BBS9: variants seen among roughly 807,000 people sequenced by gnomAD.
The protein encoded by BBS9 is protein PTHB1.
BBS9 carries 89 observed loss-of-function variants against 117.7 expected under a neutral mutation model. The observed-to-expected ratio is 0.76, with a 90% CI of 0.64 to 0.90. The LOEUF (loss-of-function observed/expected upper bound fraction) is 0.90. Among genes scored for constraint, BBS9 ranks in the 40% least tolerant of loss-of-function variants. BBS9 has a pLI of 0.00. For synonymous variants in BBS9, 379 were observed against 370.9 expected (o/e 1.02, Z -0.25); for missense variants, 982 against 1,042.2 (o/e 0.94, Z 0.80).
intron 21 of BBS9, among the ~76,000 whole-genome samples, chr7:33,623,916 G>A (rs1326624644): frequency 6.6e-6 from 1 of 152,006 alleles, no homozygotes; most frequent in Non-Finnish European, 1.5e-5. Flanking sequence ...ATACCACTGG[G>A]GAGGGGCCAG....
At chr7:33,222,124 A>G (rs1790364329) in intron 5 of BBS9, among the ~76,000 whole-genome samples, 1 of 152,208 alleles carries the variant, frequency 6.6e-6, no homozygotes, top group East Asian at 1.9e-4. Flanking sequence ...CATGAACTCT[A>G]TGAAACTTTT....
chr7:33,191,688 T>A (rs1390560677), intron 5 of BBS9, among the ~76,000 whole-genome samples: 3 of 152,212 alleles, frequency 2.0e-5, no homozygotes, highest in Non-Finnish European at 2.9e-5. Flanking sequence ...TGTGTGTATT[T>A]TGAGGATTTG....
intron 19 of BBS9, among the ~76,000 whole-genome samples, chr7:33,489,434 A>G (rs1280473626): frequency 6.6e-6 from 1 of 150,444 alleles, no homozygotes; most frequent in Non-Finnish European, 1.5e-5. Context: ...GATGACCAAG[A>G]CCTTCCTTGT....
chr7:33,129,716 C>G lies in BBS9; in HGVS notation c.-337C>G, dbSNP rs1359281129. On this transcript the variant is annotated 5_prime_UTR_variant, in exon 1 of 23. Coordinates refer to ENST00000242067, the MANE Select transcript of BBS9 (RefSeq NM_198428.3). Reference sequence around the variant, plus strand: ...AGGACTTGCATTTGTTCTCGCCTGCCTAGTGTCTTCCAAGGGATAGATGCC... The same window carrying G: ...AGGACTTGCATTTGTTCTCGCCTGCGTAGTGTCTTCCAAGGGATAGATGCC... 1 of 152,486 alleles carries G rather than the reference C, an allele frequency of 6.6e-6. No homozygotes were observed. Among genetic ancestry groups the G allele is most frequent in the Non-Finnish European group, 1.5e-5 (1 of 68,376 alleles). The allele number at this position is 152,486 out of a possible 1,614,324, so 9.4% of individuals were successfully genotyped here.
chr7:33,349,019 GT>G (rs1255114979), intron 12 of BBS9, 48 bp from the exon 13 acceptor site: 1 of 1,302,478 alleles, frequency 7.7e-7, no homozygotes, highest in Non-Finnish European at 1.1e-6. Flanking sequence ...TAGTCTATCA[GT>G]TTGAATAAAA....
intron 4 of BBS9, among the ~76,000 whole-genome samples, chr7:33,163,352 G>A (rs1179702564): frequency 6.6e-6 from 1 of 152,168 alleles, no homozygotes; most frequent in Non-Finnish European, 1.5e-5. Context: ...CATAAAAACA[G>A]TTAGGGAAGA....
At position 33,351,401 on chromosome 7, in the gene BBS9, C is replaced by T. The variant is rs148529246; in HGVS notation, c.1537+78C>T. On this transcript the variant is annotated intron_variant, in intron 14 of 22. Transcript: ENST00000242067. ...TGCTTATGCATTTAAGATGAGAAAA[C>T]ATACTGTGAAATATCATTAAATGAG... 1.6e-4 allele frequency: 149 copies of T among 934,918 alleles called. No homozygotes were observed. In the African/African-American group the frequency reaches 1.9e-3, roughly 12 times the overall value. 57.9% of individuals were successfully genotyped at this position (934,918 alleles called of 1,614,324 possible).
intron 19 of BBS9, among the ~76,000 whole-genome samples, chr7:33,470,842 C>T (rs913799663): frequency 9.2e-5 from 14 of 152,092 alleles, no homozygotes; most frequent in Admixed American, 2.0e-4. Flanking sequence ...GAAGGACACT[C>T]ATTCAGGGGG....
chr7:33,138,129 G>A (rs901867836), intron 1 of BBS9, among the ~76,000 whole-genome samples: 2 of 152,176 alleles, frequency 1.3e-5, no homozygotes, highest in African/African-American at 2.4e-5. Flanking sequence ...AGCCTAATGA[G>A]GCAGGGGACT....
rs553271483 is a variant in BBS9 at position 33,132,767 on chromosome 7, A to G, written c.-12+2726A>G. Among the ~76,000 whole-genome samples the G allele has an allele frequency of 1.5e-4, 23 of 152,234 alleles. No individual in the cohort carries two copies. The South Asian group carries it at 3.5e-3, about 23-fold the overall frequency. ...TCTTAATATCTCAATGTCAAGGCCT[A>G]TATCTTTCCTAGATTGGAATACAGA... On this transcript the variant is annotated intron_variant, in intron 1 of 22. Transcript: ENST00000242067.
chr7:33,549,830 G>A (rs1028358098), intron 21 of BBS9, among the ~76,000 whole-genome samples: 22 of 152,200 alleles, frequency 1.4e-4, no homozygotes, highest in Admixed American at 8.5e-4. Flanking sequence ...AAATTGCATC[G>A]ATTTGCCAAA....
At chr7:33,159,898 C>T (rs1794602882) in intron 4 of BBS9, among the ~76,000 whole-genome samples, 1 of 152,124 alleles carries the variant, frequency 6.6e-6, no homozygotes, top group African/African-American at 2.4e-5. Context: ...TCCCCATGAA[C>T]CAAACCAACT....
At chr7:33,171,585 T>A (rs1796582047) in intron 4 of BBS9, among the ~76,000 whole-genome samples, 1 of 152,220 alleles carries the variant, frequency 6.6e-6, no homozygotes, top group Admixed American at 6.5e-5. Flanking sequence ...ATAAAAACTA[T>A]TTTTTTAAGT....
At chr7:33,397,945 G>T (rs553612100) in intron 19 of BBS9, among the ~76,000 whole-genome samples, 1 of 151,940 alleles carries the variant, frequency 6.6e-6, no homozygotes, top group Non-Finnish European at 1.5e-5. Flanking sequence ...TAACAAACCT[G>T]CACATCCTGC....
chr7:33,372,285 G>T (rs112786789), intron 17 of BBS9, among the ~76,000 whole-genome samples: 48 of 152,118 alleles, frequency 3.2e-4, no homozygotes, highest in African/African-American at 1.1e-3. Flanking sequence ...TCACAGTTGT[G>T]GATATTGAAA....
At chr7:33,163,512 GTTAT>G (rs1562709429) in intron 4 of BBS9, among the ~76,000 whole-genome samples, 4 of 152,142 alleles carry the variant, frequency 2.6e-5, no homozygotes, top group Admixed American at 1.3e-4. Flanking sequence ...TTCAGAACCT[GTTAT>G]TTGTCTATTC....
chr7:33,209,180 G>A (rs1294596709), intron 5 of BBS9, among the ~76,000 whole-genome samples: 1 of 152,104 alleles, frequency 6.6e-6, no homozygotes, highest in Non-Finnish European at 1.5e-5. Context: ...CCACAAATAA[G>A]TGAGAACATG....
chr7:33,188,080 ATGTGTGTGTGTGTGTGTGTG>A (rs145485929), intron 5 of BBS9, among the ~76,000 whole-genome samples: 1 of 73,070 alleles, frequency 1.4e-5, no homozygotes, highest in Admixed American at 1.3e-4. Flanking sequence ...AGTTGAGTGA[ATGTGTGTGTGTGTGTGTGTG>A]TGTGTGTGTG....
intron 1 of BBS9, 26 bp from the exon 2 acceptor site, chr7:33,146,216 G>C (rs756162387): frequency 6.8e-7 from 1 of 1,473,762 alleles, no homozygotes; most frequent in East Asian, 2.3e-5. Flanking sequence ...GTGTGAAGTA[G>C]ATTATTATAA....
Sources: gnomAD v4.1 joint callset for allele counts (sites outside exome capture counted in the v4.1 genomes callset) on GRCh38, gnomAD v4.1.1 for gene constraint, MANE v1.5 for transcripts, NCBI Gene and HGNC (gene_info 2026-07-23, HGNC 2026-07-21) for gene names.